SH3RF3: variants seen among roughly 807,000 people sequenced by gnomAD.
SH3RF3 encodes the protein SH3 domain containing ring finger 3, also known as E3 ubiquitin-protein ligase SH3RF3.
A neutral mutation model predicts 66.3 loss-of-function variants in SH3RF3; 29 were observed. The observed-to-expected ratio is 0.44, with a 90% CI of 0.33 to 0.60. SH3RF3 has a LOEUF of 0.60. Ranked by LOEUF, SH3RF3 falls within the 20% of genes least tolerant of loss-of-function variation. The pLI is 0.04. For synonymous variants in SH3RF3, 583 were observed against 532.0 expected (o/e 1.10, Z -1.32); for missense variants, 1,194 against 1,190.9 (o/e 1.00, Z -0.04).
chr2:109,325,789 G>A (rs921620451), intron 1 of SH3RF3, among the ~76,000 whole-genome samples: 5 of 152,198 alleles, frequency 3.3e-5, no homozygotes, highest in African/African-American at 1.2e-4. Context: ...GGTGCCTGCT[G>A]CACCCTCCTT....
chr2:109,156,375 T>C (rs147656916), intron 1 of SH3RF3, among the ~76,000 whole-genome samples: 1 of 152,196 alleles, frequency 6.6e-6, no homozygotes, highest in African/African-American at 2.4e-5. Flanking sequence ...GAGAAGGAAG[T>C]ATCCACTCGG....
chr2:109,151,597 G>T (rs1050418773), intron 1 of SH3RF3, among the ~76,000 whole-genome samples: 1 of 152,176 alleles, frequency 6.6e-6, no homozygotes, highest in Non-Finnish European at 1.5e-5. Context: ...TTATTAATTT[G>T]CATCCTTTCA....
At chr2:109,457,024 A>AGT (rs774471363) in intron 8 of SH3RF3, among the ~76,000 whole-genome samples, 7 of 152,332 alleles carry the variant, frequency 4.6e-5, no homozygotes, top group Non-Finnish European at 1.0e-4. Context: ...TCGGCTGCCT[A>AGT]GTGTGAATCA....
chr2:109,241,121 G>A lies in SH3RF3; in HGVS notation c.574-106553G>A, dbSNP rs558325024. Among the ~76,000 whole-genome samples, 4 of 152,320 alleles carry A rather than the reference G, an allele frequency of 2.6e-5. No individual in the cohort carries two copies. In the East Asian group the frequency reaches 7.7e-4, roughly 29 times the overall value. Reference sequence around the variant, plus strand: ...AATGAGAAGCTTCATTGTCTAGTAAGTTAATACAAATTAGTCGACAGTCAA... The same window carrying A: ...AATGAGAAGCTTCATTGTCTAGTAAATTAATACAAATTAGTCGACAGTCAA... On this transcript the variant is annotated intron_variant, in intron 1 of 9. Coordinates refer to ENST00000309415, the MANE Select transcript of SH3RF3 (RefSeq NM_001099289.3).
chr2:109,275,112 G>T, intron 1 of SH3RF3, among the ~76,000 whole-genome samples: 1 of 152,046 alleles, frequency 6.6e-6, no homozygotes, highest in East Asian at 1.9e-4. Context: ...TGTGTTCCAC[G>T]CTTGTCTGCC....
rs1034453937 is a variant in SH3RF3, at chr2:109,502,800, C to A, written c.*1129C>A. The A allele has an allele frequency of 2.0e-5, 3 of 152,222 alleles. No individual in the cohort carries two copies. Among genetic ancestry groups the A allele is most frequent in the Non-Finnish European group, 2.9e-5 (2 of 68,044 alleles). 9.4% of individuals were successfully genotyped at this position (152,222 alleles called of 1,614,324 possible). On this transcript the variant is annotated 3_prime_UTR_variant, in exon 10 of 10. Coordinates refer to ENST00000309415, the MANE Select transcript of SH3RF3 (RefSeq NM_001099289.3). ...CCCTTTATTGCCTCAGAGAGAACTG[C>A]AATTAGCATTCTCAGAAGATGATTT...
intron 1 of SH3RF3, among the ~76,000 whole-genome samples, chr2:109,216,401 C>T (rs890756196): frequency 3.3e-5 from 5 of 152,242 alleles, no homozygotes; most frequent in Non-Finnish European, 2.9e-5. Context: ...TGTGTTAAAA[C>T]GGTGAGATCC....
chr2:109,190,044 A>G (rs1264120981), intron 1 of SH3RF3, among the ~76,000 whole-genome samples: 1 of 152,266 alleles, frequency 6.6e-6, no homozygotes, highest in Non-Finnish European at 1.5e-5. Context: ...GAAACTTCCA[A>G]GTGCTCTTTG....
chr2:109,432,136 G>A (rs1018211956), intron 5 of SH3RF3, among the ~76,000 whole-genome samples: 1 of 152,184 alleles, frequency 6.6e-6, no homozygotes, highest in African/African-American at 2.4e-5. Flanking sequence ...GAAAACACTG[G>A]AAATCCAAAG....
chr2:109,203,346 T>C (rs574385672), intron 1 of SH3RF3, among the ~76,000 whole-genome samples: 1 of 152,354 alleles, frequency 6.6e-6, no homozygotes. Flanking sequence ...CGGAGCTTGC[T>C]AGTCCTTATG....
At chr2:109,187,996 G>C (rs753001962) in intron 1 of SH3RF3, among the ~76,000 whole-genome samples, 22 of 152,156 alleles carry the variant, frequency 1.4e-4, no homozygotes, top group Admixed American at 5.9e-4. Flanking sequence ...GGCACAGCGG[G>C]GGTTGCCTCT....
At chr2:109,484,760 AC>A (rs1678926375) in intron 8 of SH3RF3, among the ~76,000 whole-genome samples, 1 of 152,098 alleles carries the variant, frequency 6.6e-6, no homozygotes, top group African/African-American at 2.4e-5. Flanking sequence ...TCTCCCTCTG[AC>A]CCTGCCTGCC....
intron 9 of SH3RF3, 29 bp from the exon 10 acceptor site, chr2:109,501,474 G>C (rs1679382697): frequency 2.6e-6 from 2 of 767,216 alleles, no homozygotes; most frequent in South Asian, 1.4e-5. Context: ...TTGTCTGTGT[G>C]GGGCTCACCC....
chr2:109,288,686 C>T (rs1169298119), intron 1 of SH3RF3, among the ~76,000 whole-genome samples: 1 of 152,076 alleles, frequency 6.6e-6, no homozygotes, highest in East Asian at 1.9e-4. Flanking sequence ...TTCTCTTTGC[C>T]GGGAGCCTGG....
At chr2:109,450,811 G>C (rs1464842060) in intron 8 of SH3RF3, among the ~76,000 whole-genome samples, 1 of 152,256 alleles carries the variant, frequency 6.6e-6, no homozygotes, top group Non-Finnish European at 1.5e-5. Context: ...TGGCCTTGCT[G>C]CCTGAACGGT....
intron 1 of SH3RF3, among the ~76,000 whole-genome samples, chr2:109,227,598 G>T (rs891378028): frequency 6.6e-6 from 1 of 152,204 alleles, no homozygotes; most frequent in Non-Finnish European, 1.5e-5. Context: ...GGGATTGTCT[G>T]TGTGTGGGAG....
intron 1 of SH3RF3, among the ~76,000 whole-genome samples, chr2:109,264,370 G>A (rs767658679): frequency 2.7e-5 from 4 of 149,134 alleles, no homozygotes; most frequent in African/African-American, 7.5e-5. Context: ...GGTGCTCCCC[G>A]TCCACCTCCC....
chr2:109,297,247 C>T (rs1681335868), intron 1 of SH3RF3, among the ~76,000 whole-genome samples: 1 of 152,118 alleles, frequency 6.6e-6, no homozygotes, highest in African/African-American at 2.4e-5. Context: ...ACACCATCAT[C>T]ATCATCGTCA....
chr2:109,169,436 T>A (rs1001480542), intron 1 of SH3RF3, among the ~76,000 whole-genome samples: 1 of 152,090 alleles, frequency 6.6e-6, no homozygotes, highest in African/African-American at 2.4e-5. Context: ...ACAGCTCAGC[T>A]CCCTGTGGTG....
Sources: allele counts gnomAD v4.1 joint callset (sites outside exome capture counted in the v4.1 genomes callset), GRCh38; gene constraint gnomAD v4.1.1; transcripts MANE v1.5; gene names NCBI Gene and HGNC (gene_info 2026-07-23, HGNC 2026-07-21).